Variants in ZPLD1 observed in about 807,000 individuals in gnomAD.
The protein encoded by ZPLD1 is zona pellucida-like domain-containing protein 1.
In ZPLD1, 34 loss-of-function variants were observed where a neutral mutation model predicts 47.2. The observed-to-expected ratio is 0.72, with a 90% CI of 0.55 to 0.96. ZPLD1 has a LOEUF of 0.96. Ranked by LOEUF, ZPLD1 falls within the 40% of genes least tolerant of loss-of-function variation. The pLI is 0.00. For synonymous variants in ZPLD1, 176 were observed against 186.2 expected (o/e 0.95, Z 0.45); for missense variants, 512 against 505.8 (o/e 1.01, Z -0.12).
At chr3:102,410,672 T>G (rs971224156) in intron 7 of ZPLD1, among the ~76,000 whole-genome samples, 1 of 151,746 alleles carries the variant, frequency 6.6e-6, no homozygotes, top group Middle Eastern at 3.2e-3. Flanking sequence ...AGGAAGCCAT[T>G]TAAAGTTTAT....
intron 9 of ZPLD1, among the ~76,000 whole-genome samples, chr3:102,469,643 T>C (rs1477008806): frequency 1.3e-5 from 2 of 152,152 alleles, no homozygotes; most frequent in East Asian, 3.9e-4. Context: ...AGAGAGCTTC[T>C]AGTTCTTCAG....
chr3:102,477,568 G>A lies in ZPLD1; in HGVS notation c.1198G>A (p.Gly400Arg). Residue 400 changes from glycine to arginine, a missense_variant, in exon 12 of 12, where the codon GGA becomes AGA. Gly to Arg is a moderately radical substitution (Grantham distance 125). Coordinates refer to ENST00000466937, the MANE Select transcript of ZPLD1 (RefSeq NM_001329788.2). ...LCSLALLHRK[G>R]PTSLVLNGIR... ...CTCACTGGCCCTTCTGCACAGGAAG[G>A]GACCCACAAGTTTAGTGTTGAATGG... 1 of 1,613,564 alleles carries A rather than the reference G, an allele frequency of 6.2e-7. No homozygotes were observed.
At chr3:102,477,383 T>C (rs537984834) in intron 11 of ZPLD1, 60 bp from the exon 12 acceptor site, 5 of 1,546,214 alleles carry the variant, frequency 3.2e-6, no homozygotes, top group Non-Finnish European at 4.4e-6. Context: ...TAAAATTGGG[T>C]CAAGGTGAGA....
chr3:102,413,771 A>C (rs903673660), intron 7 of ZPLD1, among the ~76,000 whole-genome samples: 3 of 151,840 alleles, frequency 2.0e-5, no homozygotes, highest in African/African-American at 7.2e-5. Context: ...ATAAGGTGGA[A>C]AACTGGAAGC....
intron 7 of ZPLD1, among the ~76,000 whole-genome samples, chr3:102,412,774 G>A (rs1283910407): frequency 6.6e-6 from 1 of 151,560 alleles, no homozygotes; most frequent in African/African-American, 2.4e-5. Context: ...AGCACAGATT[G>A]ACTGGTTTCA....
At chr3:102,402,253 A>C (rs1200219484) in intron 7 of ZPLD1, among the ~76,000 whole-genome samples, 4 of 151,956 alleles carry the variant, frequency 2.6e-5, no homozygotes, top group Non-Finnish European at 5.9e-5. Context: ...ATTAGAAAAA[A>C]TTTTAAATCA....
intron 10 of ZPLD1, among the ~76,000 whole-genome samples, chr3:102,472,531 C>CA (rs374641646): frequency 0.028 from 2,400 of 85,250 alleles, 56 homozygotes; most frequent in East Asian, 0.2. Flanking sequence ...GACTCTGTCT[C>CA]AAAAAAAAAA....
rs1489825387 is a variant in ZPLD1 at position 102,457,808 on chromosome 3, G to A, written c.537G>A (p.Glu179=). Residue 179 remains glutamate (E), a synonymous_variant, in exon 6 of 12, where the codon GAG becomes GAA. Coordinates refer to ENST00000466937, the MANE Select transcript of ZPLD1 (RefSeq NM_001329788.2). The stretch of plus-strand genomic sequence containing the variant: ...CCTCAGCGGCTATTTCTGTGAGAGA[G>A]AACAATGGCACATTTGTCAGCACTT... ...ASSSAAISVR[E]NNGTFVSTLN... is the part of the protein sequence containing the mutation. The A allele has an allele frequency of 5.6e-6, 9 of 1,613,932 alleles. No individual in the cohort carries two copies. Among genetic ancestry groups the A allele is most frequent in the Non-Finnish European group, 6.8e-6 (8 of 1,179,922 alleles).
rs565412318 is a variant in ZPLD1 at position 102,471,304 on chromosome 3, C to T, written c.1042+802C>T. 6.3e-4 allele frequency among the ~76,000 whole-genome samples: 96 copies of T among 152,282 alleles called. 4 individuals carry two copies. In the South Asian group the frequency reaches 9.7e-3, roughly 15 times the overall value. Reference sequence around the variant, plus strand: ...TCTCTCCCTAGAACTACTCTGAAAACCCTCTCCTTATCCCTTAACTCTACT... The same window carrying T: ...TCTCTCCCTAGAACTACTCTGAAAATCCTCTCCTTATCCCTTAACTCTACT... On this transcript the variant is annotated intron_variant, in intron 10 of 11. Transcript: ENST00000466937.
chr3:102,414,032 C>G (rs541489961), intron 7 of ZPLD1, among the ~76,000 whole-genome samples: 1 of 151,688 alleles, frequency 6.6e-6, no homozygotes, highest in Non-Finnish European at 1.5e-5. Flanking sequence ...GAGCTGTGTG[C>G]TTTCCAGTTG....
intron 3 of ZPLD1, among the ~76,000 whole-genome samples, chr3:102,447,103 G>A (rs1013865731): frequency 6.6e-6 from 1 of 152,006 alleles, no homozygotes; most frequent in Non-Finnish European, 1.5e-5. Context: ...GTCTCGCTCT[G>A]TCGCCAGGCT....
intron 4 of ZPLD1, among the ~76,000 whole-genome samples, chr3:102,454,104 T>C (rs896664341): frequency 3.3e-5 from 5 of 152,212 alleles, no homozygotes; most frequent in Non-Finnish European, 7.3e-5. Flanking sequence ...GAGAAAGGAT[T>C]GATTATTCCA....
At chr3:102,433,703 A>AT (rs1006744505), upstream of ZPLD1, among the ~76,000 whole-genome samples, 3 of 151,606 alleles carry the variant, frequency 2.0e-5, no homozygotes, top group Admixed American at 6.6e-5. Context: ...ATTTTTTTGT[A>AT]TTTTTTTAGA....
At position 102,470,509 on chromosome 3, in the gene ZPLD1, G is replaced by A; in HGVS notation, c.1042+7G>A. 1 of 1,611,554 alleles carries A rather than the reference G, an allele frequency of 6.2e-7. No individual in the cohort carries two copies. The highest frequency in any genetic ancestry group is 8.5e-7 in the Non-Finnish European group (1 of 1,177,854). On this transcript the variant is annotated splice_region_variant and intron_variant, in intron 10 of 11. Coordinates refer to ENST00000466937, the MANE Select transcript of ZPLD1 (RefSeq NM_001329788.2). ...CCCATCATTACTCGGAGTGGTAAGT[G>A]TGCTCCTCCTTCTGTATGTAGTAAT...
At chr3:102,461,228 T>G (rs566940388) in intron 6 of ZPLD1, among the ~76,000 whole-genome samples, 5 of 152,210 alleles carry the variant, frequency 3.3e-5, no homozygotes, top group Admixed American at 3.3e-4. Context: ...TTAAAACTTT[T>G]CTGCCAAACA....
At chr3:102,456,551 A>ATCTC (rs1553712716) in intron 5 of ZPLD1, among the ~76,000 whole-genome samples, 177 bp downstream of exon 5, 1 of 97,762 alleles carries the variant, frequency 1.0e-5, no homozygotes, top group Non-Finnish European at 2.3e-5. Flanking sequence ...TATTATATCT[A>ATCTC]TCTATCTATC....
chr3:102,409,839 T>C (rs1442066621), intron 7 of ZPLD1, among the ~76,000 whole-genome samples: 2 of 151,796 alleles, frequency 1.3e-5, no homozygotes, highest in Non-Finnish European at 2.9e-5. Context: ...TCTTCACAAA[T>C]AAACTTGCAG....
At chr3:102,432,421 A>G (rs1707027200), upstream of ZPLD1, among the ~76,000 whole-genome samples, 1 of 152,226 alleles carries the variant, frequency 6.6e-6, no homozygotes. Flanking sequence ...AAAGTGCATA[A>G]ATCTCAGATT....
upstream of ZPLD1, among the ~76,000 whole-genome samples, chr3:102,430,375 C>A (rs1707002814): frequency 6.6e-6 from 1 of 152,186 alleles, no homozygotes; most frequent in Non-Finnish European, 1.5e-5. Context: ...TCTTTCATAG[C>A]ACTTTCCTAA....
Sources: allele counts gnomAD v4.1 joint callset (sites outside exome capture counted in the v4.1 genomes callset), GRCh38; gene constraint gnomAD v4.1.1; transcripts MANE v1.5; gene names NCBI Gene and HGNC (gene_info 2026-07-23, HGNC 2026-07-21).